Variants in UGT3A1 observed in about 807,000 individuals in gnomAD.
UGT3A1 encodes UDP glycosyltransferase family 3 member A1.
Under a neutral mutation model 37.6 loss-of-function variants are expected in UGT3A1, and 40 were observed. The ratio of observed to expected loss-of-function variants is 1.06; its 90% CI spans 0.83 to 1.38. The LOEUF (loss-of-function observed/expected upper bound fraction) is 1.38. Ranked by LOEUF, UGT3A1 falls within the 40% of genes most tolerant of loss-of-function variation. The pLI is 0.00. For missense variants in UGT3A1, 642 were observed against 634.2 expected (o/e 1.01, Z -0.13); for synonymous variants, 256 against 232.3 (o/e 1.10, Z -0.93).
At position 35,965,408 on chromosome 5, in the gene UGT3A1, T is replaced by A; in HGVS notation, c.821A>T (p.Lys274Ile). The A allele has an allele frequency of 1.2e-6, 2 of 1,613,978 alleles. No individual in the cohort carries two copies. Among genetic ancestry groups the A allele is most frequent in the African/African-American group, 2.7e-5 (2 of 74,968 alleles). ...TACTTGTGGTACTGGTTTAATAGGT[T>A]TTTCCATCAAGCCTCCAATATAAAC... Reference protein sequence around the residue: ...NTVYIGGLMEKPIKPVPQDLD... With the variant: ...NTVYIGGLMEIPIKPVPQDLD... Residue 274 changes from lysine to isoleucine, a missense_variant, in exon 4 of 7, where the codon AAA (lysine) becomes ATA (isoleucine). Transcript: ENST00000274278.
chr5:35,975,801 C>A (rs775980772), intron 2 of UGT3A1, among the ~76,000 whole-genome samples: 1 of 152,086 alleles, frequency 6.6e-6, no homozygotes, highest in Non-Finnish European at 1.5e-5. Flanking sequence ...CCCATTAACA[C>A]GTCATTTACA....
intron 4 of UGT3A1, among the ~76,000 whole-genome samples, chr5:35,960,186 C>A (rs1045626183): frequency 6.6e-6 from 1 of 152,134 alleles, no homozygotes; most frequent in Non-Finnish European, 1.5e-5. Flanking sequence ...AAAAATCATT[C>A]TAAAATGTGT....
intron 2 of UGT3A1, among the ~76,000 whole-genome samples, chr5:35,982,832 A>G (rs993393376): frequency 7.2e-5 from 11 of 152,254 alleles, no homozygotes; most frequent in African/African-American, 2.6e-4. Flanking sequence ...TTAGTGAAGG[A>G]GGAGAGGCCT....
chr5:35,952,126 C>T lies in UGT3A1; in HGVS notation c.*2076G>A, dbSNP rs1277326126. 1.3e-5 allele frequency: 2 copies of T among 152,206 alleles called. No homozygotes were observed. Among genetic ancestry groups the T allele is most frequent in the African/African-American group, 4.8e-5 (2 of 41,444 alleles). 9.4% of individuals were successfully genotyped at this position (152,206 alleles called of 1,614,324 possible). The stretch of plus-strand genomic sequence containing the variant: ...AGGCACAGGCTTACCAATGTGAACA[C>T]AATGACACTGGATACTGACAGATAA... On this transcript the variant is annotated 3_prime_UTR_variant, in exon 7 of 7. Transcript: ENST00000274278.
chr5:35,968,989 A>C (rs1226523471), intron 2 of UGT3A1, among the ~76,000 whole-genome samples: 1 of 152,184 alleles, frequency 6.6e-6, no homozygotes, highest in Non-Finnish European at 1.5e-5. Context: ...CTCAGATGGA[A>C]TTGTGTTTCT....
chr5:35,974,836 G>C (rs905929050), intron 2 of UGT3A1, among the ~76,000 whole-genome samples: 2 of 152,182 alleles, frequency 1.3e-5, no homozygotes, highest in Admixed American at 6.5e-5. Context: ...CTCCAGCCCT[G>C]TGACACCATT....
At chr5:35,979,790 AT>A (rs1740444400) in intron 2 of UGT3A1, among the ~76,000 whole-genome samples, 1 of 152,166 alleles carries the variant, frequency 6.6e-6, no homozygotes, top group South Asian at 2.1e-4. Context: ...AGACTGGGTA[AT>A]TTACAAAGAA....
chr5:35,983,822 T>C (rs545300504), intron 2 of UGT3A1, among the ~76,000 whole-genome samples: 30 of 152,032 alleles, frequency 2.0e-4, no homozygotes, highest in East Asian at 9.7e-4. Context: ...AATAGATGCA[T>C]AAAAGCATTC....
At chr5:35,965,939 A>G (rs1739793571) in intron 3 of UGT3A1, 22 bp from the exon 4 acceptor site, 1 of 1,469,348 alleles carries the variant, frequency 6.8e-7, no homozygotes, top group Admixed American at 2.3e-5. Flanking sequence ...AAAATAAATA[A>G]TAAATATTTG....
chr5:35,990,284 C>T (rs2111556473), intron 1 of UGT3A1, among the ~76,000 whole-genome samples: 1 of 152,078 alleles, frequency 6.6e-6, no homozygotes, highest in East Asian at 1.9e-4. Context: ...AAAATGGGCA[C>T]TAAATTAGAT....
chr5:35,996,105 G>T (rs1741089811), upstream of UGT3A1, among the ~76,000 whole-genome samples: 1 of 151,262 alleles, frequency 6.6e-6, no homozygotes, highest in South Asian at 2.1e-4. Context: ...AAACCTCTCA[G>T]CCCCAGAAAG....
At chr5:35,988,879 T>C (rs1296641964) in intron 1 of UGT3A1, among the ~76,000 whole-genome samples, 3 of 152,216 alleles carry the variant, frequency 2.0e-5, no homozygotes, top group Non-Finnish European at 4.4e-5. Flanking sequence ...TTAAGGTATG[T>C]GCTGCATGTT....
At chr5:35,992,107 G>C (rs1029593355), upstream of UGT3A1, among the ~76,000 whole-genome samples, 69 of 152,294 alleles carry the variant, frequency 4.5e-4, no homozygotes, top group African/African-American at 1.6e-3. Flanking sequence ...AAGGCTTTCA[G>C]TGCAATTCTA....
At chr5:35,991,967 TC>T (rs941109587), upstream of UGT3A1, among the ~76,000 whole-genome samples, 5 of 152,162 alleles carry the variant, frequency 3.3e-5, no homozygotes, top group African/African-American at 1.2e-4. Flanking sequence ...TTTGATAATC[TC>T]CCCAAAGCAC....
At chr5:35,977,494 G>C (rs1740336858) in intron 2 of UGT3A1, among the ~76,000 whole-genome samples, 1 of 152,294 alleles carries the variant, frequency 6.6e-6, no homozygotes, top group Admixed American at 6.5e-5. Context: ...CACCATGGTA[G>C]TGAATTCACA....
At chr5:35,976,921 GAAAAA>G (rs1740297752) in intron 2 of UGT3A1, among the ~76,000 whole-genome samples, 1 of 137,522 alleles carries the variant, frequency 7.3e-6, no homozygotes, top group African/African-American at 2.7e-5. Flanking sequence ...GAGAGAGAAA[GAAAAA>G]GAAAGAAGAA....
chr5:35,956,920 C>T (rs1266422090), intron 5 of UGT3A1, among the ~76,000 whole-genome samples: 1 of 152,074 alleles, frequency 6.6e-6, no homozygotes, highest in African/African-American at 2.4e-5. Flanking sequence ...GCAACATGAC[C>T]ACATACATAT....
chr5:35,995,933 C>T (rs2111587535), upstream of UGT3A1, among the ~76,000 whole-genome samples: 1 of 151,688 alleles, frequency 6.6e-6, no homozygotes, highest in Admixed American at 6.6e-5. Flanking sequence ...GATGATTTAG[C>T]CACCCTTGTA....
At chr5:35,972,461 A>G (rs535888092) in intron 2 of UGT3A1, among the ~76,000 whole-genome samples, 3 of 151,000 alleles carry the variant, frequency 2.0e-5, no homozygotes, top group Non-Finnish European at 2.9e-5. Context: ...ACTTGCTAAC[A>G]TCTCAAATTA....
Sources: allele counts gnomAD v4.1 joint callset (sites outside exome capture counted in the v4.1 genomes callset), GRCh38; gene constraint gnomAD v4.1.1; transcripts MANE v1.5; gene names NCBI Gene and HGNC (gene_info 2026-07-23, HGNC 2026-07-21).